EPHA5: variants seen among roughly 807,000 people sequenced by gnomAD.
EPHA5 encodes the protein ephrin type-A receptor 5.
EPHA5 carries 60 observed loss-of-function variants against 105.0 expected under a neutral mutation model. The ratio of observed to expected loss-of-function variants is 0.57; its 90% CI spans 0.46 to 0.71. The LOEUF (loss-of-function observed/expected upper bound fraction) is 0.71, where lower values mean the gene tolerates loss of function less well. Among genes scored for constraint, EPHA5 ranks in the 30% least tolerant of loss-of-function variants. EPHA5 has a pLI of 0.00. For synonymous variants in EPHA5, 513 were observed against 449.1 expected (o/e 1.14, Z -1.80); for missense variants, 1,218 against 1,274.7 (o/e 0.96, Z 0.68).
intron 3 of EPHA5, among the ~76,000 whole-genome samples, chr4:65,500,147 C>A (rs1032667579): frequency 3.3e-5 from 5 of 151,138 alleles, no homozygotes; most frequent in African/African-American, 1.2e-4. Flanking sequence ...TATTTAAATA[C>A]CAATCCAAAA....
intron 1 of EPHA5, among the ~76,000 whole-genome samples, chr4:65,655,932 C>A (rs1027314707): frequency 5.3e-5 from 8 of 151,856 alleles, no homozygotes; most frequent in African/African-American, 1.9e-4. Context: ...TACAACATTC[C>A]TTTTATATTT....
At chr4:65,512,740 T>C (rs1733742156) in intron 3 of EPHA5, among the ~76,000 whole-genome samples, 1 of 152,068 alleles carries the variant, frequency 6.6e-6, no homozygotes, top group African/African-American at 2.4e-5. Context: ...GTCTCAGGTG[T>C]TATAGAAGTG....
intron 3 of EPHA5, among the ~76,000 whole-genome samples, chr4:65,599,913 C>G (rs906936051): frequency 6.6e-6 from 1 of 152,024 alleles, no homozygotes; most frequent in Non-Finnish European, 1.5e-5. Context: ...TTAATCTCAT[C>G]GACAATCAAA....
At chr4:65,361,667 T>C (rs368868547) in intron 11 of EPHA5, among the ~76,000 whole-genome samples, 23 of 151,856 alleles carry the variant, frequency 1.5e-4, no homozygotes, top group African/African-American at 5.3e-4. Context: ...GTCAAAACTG[T>C]CTAGCAGTTT....
chr4:65,530,870 C>T (rs1327521881), intron 3 of EPHA5, among the ~76,000 whole-genome samples: 1 of 152,094 alleles, frequency 6.6e-6, no homozygotes, highest in Non-Finnish European at 1.5e-5. Flanking sequence ...CAACAATAAG[C>T]TGACATTTAT....
Position 65,611,996 on chromosome 4 carries a change from G to T in EPHA5, c.247-9692C>A, listed in dbSNP as rs28546489. Among the ~76,000 whole-genome samples the T allele has an allele frequency of 7.8e-4, 93 of 118,830 alleles. No individual in the cohort carries two copies. The East Asian group carries it at 0.023, about 29-fold the overall frequency. 78.0% of individuals were successfully genotyped at this position (118,830 alleles called of 152,430 possible). ...CAGGCCACTGCACTCCAGCCTGGGC[G>T]ATAGAGCGAGACCCTCTCTCAAAAA... On this transcript the variant is annotated intron_variant, in intron 2 of 16. Transcript: ENST00000613740.
chr4:65,591,939 T>C lies in EPHA5; in HGVS notation c.910+9702A>G, dbSNP rs954131199. On this transcript the variant is annotated intron_variant, in intron 3 of 16. Coordinates refer to ENST00000613740, the MANE Select transcript of EPHA5 (RefSeq NM_001281766.3). ...AAAAACATAAAAATTCTTCATTTCT[T>C]ACCTAATAAAAAACTGAATTTAGTA... Among the ~76,000 whole-genome samples, 4 of 152,166 alleles carry C rather than the reference T, an allele frequency of 2.6e-5. No individual in the cohort carries two copies. In the South Asian group the frequency reaches 8.3e-4, roughly 31 times the overall value.
At chr4:65,363,055 G>T (rs565080605) in intron 11 of EPHA5, among the ~76,000 whole-genome samples, 1 of 151,614 alleles carries the variant, frequency 6.6e-6, no homozygotes, top group Non-Finnish European at 1.5e-5. Flanking sequence ...CTTTGAATAA[G>T]GTTTCAGTGA....
At chr4:65,632,765 A>G (rs550270007) in intron 2 of EPHA5, among the ~76,000 whole-genome samples, 14 of 152,070 alleles carry the variant, frequency 9.2e-5, no homozygotes, top group African/African-American at 3.4e-4. Context: ...TGTGTTCAAT[A>G]TACAATAATT....
intron 5 of EPHA5, among the ~76,000 whole-genome samples, chr4:65,488,169 G>A (rs1046700221): frequency 1.3e-5 from 2 of 152,106 alleles, no homozygotes; most frequent in African/African-American, 4.8e-5. Context: ...AGGTATTCAA[G>A]TTTCAAATAA....
chr4:65,445,889 C>T (rs1054336154), intron 5 of EPHA5, among the ~76,000 whole-genome samples: 13 of 152,090 alleles, frequency 8.5e-5, no homozygotes, highest in Non-Finnish European at 1.3e-4. Flanking sequence ...TTAGGGATGG[C>T]GTGCTTCTTA....
At chr4:65,537,218 A>G (rs562425567) in intron 3 of EPHA5, among the ~76,000 whole-genome samples, 2 of 151,954 alleles carry the variant, frequency 1.3e-5, no homozygotes, top group South Asian at 2.1e-4. Flanking sequence ...TTGTAACTCA[A>G]CTGAGCTTGT....
chr4:65,658,842 T>A (rs1270087900), intron 1 of EPHA5, among the ~76,000 whole-genome samples: 1 of 152,092 alleles, frequency 6.6e-6, no homozygotes, highest in Non-Finnish European at 1.5e-5. Flanking sequence ...CTAGTTCTAA[T>A]TTTTTAATAG....
chr4:65,521,552 T>C (rs1290693838), intron 3 of EPHA5, among the ~76,000 whole-genome samples: 2 of 151,958 alleles, frequency 1.3e-5, no homozygotes, highest in Non-Finnish European at 2.9e-5. Flanking sequence ...AAATCTGTTA[T>C]GTAAAAGTTT....
chr4:65,576,167 AAAGG>A (rs141356860), intron 3 of EPHA5, among the ~76,000 whole-genome samples: 12,970 of 147,976 alleles, frequency 0.088, 847 homozygotes, highest in East Asian at 0.26. Context: ...GAGAGAAAGT[AAAGG>A]AAGGAAGGAA....
At chr4:65,534,104 T>C (rs1736075701) in intron 3 of EPHA5, among the ~76,000 whole-genome samples, 1 of 152,148 alleles carries the variant, frequency 6.6e-6, no homozygotes, top group Non-Finnish European at 1.5e-5. Flanking sequence ...TGCCCAAACA[T>C]GTTAAATTTA....
intron 8 of EPHA5, among the ~76,000 whole-genome samples, chr4:65,388,480 T>C (rs1720360858): frequency 6.6e-6 from 1 of 150,652 alleles, no homozygotes; most frequent in Non-Finnish European, 1.5e-5. Flanking sequence ...CCAGCACCTG[T>C]TGTTTCCTGA....
chr4:65,508,794 T>C (rs978066269), intron 3 of EPHA5, among the ~76,000 whole-genome samples: 1 of 152,054 alleles, frequency 6.6e-6, no homozygotes, highest in Non-Finnish European at 1.5e-5. Flanking sequence ...TTTCACACTG[T>C]AATTTGACTT....
intron 3 of EPHA5, among the ~76,000 whole-genome samples, chr4:65,549,393 G>T (rs147386522): frequency 6.6e-6 from 1 of 152,216 alleles, no homozygotes; most frequent in East Asian, 1.9e-4. Flanking sequence ...CTAGATGCAA[G>T]AATGATGAAT....
Sources: allele counts gnomAD v4.1 joint callset (sites outside exome capture counted in the v4.1 genomes callset), GRCh38; gene constraint gnomAD v4.1.1; transcripts MANE v1.5; gene names NCBI Gene and HGNC (gene_info 2026-07-23, HGNC 2026-07-21).